Variants in HCRTR2 observed in about 807,000 individuals in gnomAD.
HCRTR2 encodes orexin receptor type 2.
Under a neutral mutation model 49.0 loss-of-function variants are expected in HCRTR2, and 22 were observed. That is an observed-to-expected ratio of 0.45 (90% CI 0.32 to 0.64). HCRTR2 has a LOEUF of 0.64. Ranked by LOEUF, HCRTR2 falls within the 30% of genes least tolerant of loss-of-function variation. HCRTR2 has a pLI of 0.04. For missense variants in HCRTR2, 491 were observed against 559.4 expected (o/e 0.88, Z 1.23); for synonymous variants, 236 against 205.3 (o/e 1.15, Z -1.28).
intron 1 of HCRTR2, among the ~76,000 whole-genome samples, chr6:55,202,358 A>G (rs1765526229): frequency 6.6e-6 from 1 of 152,160 alleles, no homozygotes. Context: ...AATACAACCT[A>G]TGCTCTCTTT....
intron 1 of HCRTR2, among the ~76,000 whole-genome samples, chr6:55,198,360 C>T (rs1203884199): frequency 6.6e-6 from 1 of 152,156 alleles, no homozygotes; most frequent in East Asian, 1.9e-4. Context: ...CTAACCCCAA[C>T]TTTAACTCTT....
chr6:55,242,982 C>T (rs1766363479), intron 1 of HCRTR2, among the ~76,000 whole-genome samples: 1 of 152,144 alleles, frequency 6.6e-6, no homozygotes, highest in African/African-American at 2.4e-5. Context: ...ATAAAGATAT[C>T]CTTCTTTGGA....
intron 5 of HCRTR2, 28 bp downstream of exon 5, chr6:55,277,628 A>C (rs1406488928): frequency 6.7e-7 from 1 of 1,501,876 alleles, no homozygotes; most frequent in Non-Finnish European, 9.3e-7. Context: ...TTTGAAAATG[A>C]AATAGCCTGC....
intron 1 of HCRTR2, among the ~76,000 whole-genome samples, chr6:55,134,683 A>G (rs1764409556): frequency 6.6e-6 from 1 of 151,702 alleles, no homozygotes; most frequent in African/African-American, 2.4e-5. Context: ...TTCTCTTTCT[A>G]TGGGATCAAC....
chr6:55,143,122 A>ATTTTTTTTTTTTTTTT, intron 1 of HCRTR2, among the ~76,000 whole-genome samples: 1 of 150,090 alleles, frequency 6.7e-6, no homozygotes, highest in African/African-American at 2.5e-5. Context: ...GACCATTCAA[A>ATTTTTTTTTTTTTTTT]TATTTTTTAA....
intron 1 of HCRTR2, among the ~76,000 whole-genome samples, chr6:55,117,354 C>T (rs1391162523): frequency 3.3e-5 from 5 of 151,684 alleles, no homozygotes. Context: ...TCAAACAGAT[C>T]TAAAGTAGTA....
intron 3 of HCRTR2, among the ~76,000 whole-genome samples, chr6:55,258,214 C>T (rs915109708): frequency 2.6e-5 from 4 of 152,000 alleles, no homozygotes; most frequent in Non-Finnish European, 4.4e-5. Context: ...TGTAAAATAT[C>T]TTCTATTTGA....
intron 1 of HCRTR2, among the ~76,000 whole-genome samples, chr6:55,207,092 C>G (rs1765615110): frequency 6.6e-6 from 1 of 151,872 alleles, no homozygotes; most frequent in South Asian, 2.1e-4. Context: ...ATCTTTGCAT[C>G]TTATAAATCT....
intron 4 of HCRTR2, among the ~76,000 whole-genome samples, chr6:55,272,847 CTT>C (rs993989385): frequency 2.3e-4 from 26 of 111,228 alleles, no homozygotes; most frequent in South Asian, 3.0e-4. Flanking sequence ...GAGGGAAAAC[CTT>C]TTTTTTTTTT....
chr6:55,119,575 G>A (rs573168498), intron 1 of HCRTR2, among the ~76,000 whole-genome samples: 59 of 150,536 alleles, frequency 3.9e-4, no homozygotes, highest in Non-Finnish European at 8.0e-4. Flanking sequence ...CTGCATAAAT[G>A]TCTTCTTTTG....
chr6:55,111,804 T>G (rs1320682774), intron 1 of HCRTR2, among the ~76,000 whole-genome samples: 10 of 152,058 alleles, frequency 6.6e-5, no homozygotes, highest in Non-Finnish European at 1.5e-4. Flanking sequence ...GAAGCCAGCA[T>G]CATCCTAATA....
intron 1 of HCRTR2, among the ~76,000 whole-genome samples, chr6:55,132,725 A>G (rs1764375611): frequency 6.8e-6 from 1 of 146,722 alleles, no homozygotes; most frequent in African/African-American, 2.5e-5. Flanking sequence ...GACCAACTCC[A>G]TTTATACCTC....
intron 1 of HCRTR2, among the ~76,000 whole-genome samples, chr6:55,185,052 G>A (rs1317016417): frequency 6.6e-6 from 1 of 152,162 alleles, no homozygotes; most frequent in Non-Finnish European, 1.5e-5. Context: ...TTATGGAGGT[G>A]TGATTAAATG....
Position 55,255,319 on chromosome 6 carries a change from G to A in HCRTR2, c.586G>A (p.Val196Met). The part of the protein sequence containing the change: ...PQAIVMECST[V>M]FPGLANKTTL... ...GGCCATCGTCATGGAGTGCAGCACCGTGTTCCCAGGCTTAGCCAATAAAAC... is the reference window on the plus strand; with the variant it reads ...GGCCATCGTCATGGAGTGCAGCACCATGTTCCCAGGCTTAGCCAATAAAAC... Residue 196 changes from valine to methionine, a missense_variant, in exon 3 of 7, where the codon GTG (valine) becomes ATG (methionine). Physicochemically the swap from Val to Met is conservative, Grantham distance 21. Transcript: ENST00000370862. The A allele has an allele frequency of 1.9e-6, 3 of 1,613,986 alleles. No homozygotes were observed. Among genetic ancestry groups the A allele is most frequent in the Middle Eastern group, 1.6e-4 (1 of 6,062 alleles).
chr6:55,122,192 G>A (rs2127238366), intron 1 of HCRTR2, among the ~76,000 whole-genome samples: 1 of 152,248 alleles, frequency 6.6e-6, no homozygotes, highest in South Asian at 2.1e-4. Context: ...TTAGTCTTGG[G>A]AGGGTGTATG....
At chr6:55,268,375 G>A (rs934115027) in intron 4 of HCRTR2, among the ~76,000 whole-genome samples, 5 of 151,708 alleles carry the variant, frequency 3.3e-5, no homozygotes, top group Non-Finnish European at 7.4e-5. Context: ...AAATGTAAAT[G>A]GATACAATAC....
chr6:55,138,522 C>A (rs776093019), intron 1 of HCRTR2, among the ~76,000 whole-genome samples: 1 of 152,126 alleles, frequency 6.6e-6, no homozygotes, highest in South Asian at 2.1e-4. Flanking sequence ...CCACGGTAGT[C>A]GTATTTTATT....
intron 1 of HCRTR2, among the ~76,000 whole-genome samples, chr6:55,121,197 G>T (rs1764194467): frequency 6.6e-6 from 1 of 152,028 alleles, no homozygotes; most frequent in South Asian, 2.1e-4. Context: ...CACATCCCTT[G>T]TAAGTTGGAT....
upstream of HCRTR2, among the ~76,000 whole-genome samples, chr6:55,171,588 G>A (rs750808594): frequency 2.8e-4 from 43 of 152,164 alleles, no homozygotes; most frequent in Non-Finnish European, 4.9e-4. Context: ...GAAGATTTAA[G>A]TGAATATTTT....
Sources: gnomAD v4.1 joint callset for allele counts (sites outside exome capture counted in the v4.1 genomes callset) on GRCh38, gnomAD v4.1.1 for gene constraint, MANE v1.5 for transcripts, NCBI Gene and HGNC (gene_info 2026-07-23, HGNC 2026-07-21) for gene names.